Variants in ADGRB3 observed in about 807,000 individuals in gnomAD.
ADGRB3 encodes the protein adhesion G protein-coupled receptor B3.
Under a neutral mutation model 193.4 loss-of-function variants are expected in ADGRB3, and 37 were observed. That is an observed-to-expected ratio of 0.19 (90% CI 0.15 to 0.25). The LOEUF (loss-of-function observed/expected upper bound fraction) is 0.25, where lower values mean the gene tolerates loss of function less well. ADGRB3 is among the 10% of genes least tolerant of loss of function. The pLI, the probability that ADGRB3 is intolerant of heterozygous loss-of-function variation, is 1.00. For synonymous variants in ADGRB3, 690 were observed against 644.2 expected, an observed-to-expected ratio of 1.07 and a Z score of -1.08; for missense variants, 1,637 against 1,852.9, an observed-to-expected ratio of 0.88 and a Z score of 2.14.
intron 3 of ADGRB3, among the ~76,000 whole-genome samples, chr6:68,772,722 AAAAC>A (rs1053265823): frequency 2.6e-5 from 4 of 151,418 alleles, no homozygotes; most frequent in East Asian, 2.0e-4. Context: ...ATACCTTGTA[AAAAC>A]AAACAAACAG....
chr6:69,370,633 G>T (rs1184927929), intron 29 of ADGRB3, among the ~76,000 whole-genome samples: 1 of 151,928 alleles, frequency 6.6e-6, no homozygotes, highest in Admixed American at 6.6e-5. Context: ...TCTATCTCTG[G>T]TGATCTAGGT....
rs182150810 is a variant in ADGRB3 at position 68,827,405 on chromosome 6, G to A, written c.758-103154G>A. Among the ~76,000 whole-genome samples the A allele has an allele frequency of 2.2e-3, 339 of 152,158 alleles. 2 individuals are homozygous for A. Among genetic ancestry groups the A allele is most frequent in the African/African-American group, 7.7e-3 (318 of 41,522 alleles). On this transcript the variant is annotated intron_variant, in intron 3 of 31. Coordinates refer to ENST00000370598, the MANE Select transcript of ADGRB3 (RefSeq NM_001704.3). ...AAATAATAATAATAAATGAGCAATG[G>A]GGCCATCGGTAGGTAGGGGAGCAGC...
intron 5 of ADGRB3, among the ~76,000 whole-genome samples, chr6:68,942,320 A>AATG (rs1471804241): frequency 6.6e-6 from 1 of 152,130 alleles, no homozygotes; most frequent in East Asian, 1.9e-4. Context: ...TACCCTTACC[A>AATG]ATGTTAAAGA....
chr6:69,350,042 G>A (rs988020269), intron 26 of ADGRB3, among the ~76,000 whole-genome samples: 2 of 152,156 alleles, frequency 1.3e-5, no homozygotes, highest in African/African-American at 4.8e-5. Flanking sequence ...CTCTCAGCCT[G>A]CTGCTGTTGA....
chr6:69,268,940 G>A (rs920675273), intron 20 of ADGRB3, among the ~76,000 whole-genome samples: 2 of 151,932 alleles, frequency 1.3e-5, no homozygotes, highest in African/African-American at 4.8e-5. Context: ...TTTCACAAGT[G>A]CACTTTGGAC....
intron 31 of ADGRB3, among the ~76,000 whole-genome samples, chr6:69,387,778 A>G (rs777543560): frequency 1.3e-5 from 2 of 152,062 alleles, no homozygotes; most frequent in Non-Finnish European, 2.9e-5. Context: ...TATTGAGTGG[A>G]GTTTGGATAG....
intron 28 of ADGRB3, among the ~76,000 whole-genome samples, chr6:69,358,953 C>CTG (rs1456098330): frequency 6.6e-6 from 1 of 151,536 alleles, no homozygotes; most frequent in Non-Finnish European, 1.5e-5. Context: ...TCAGCAAACA[C>CTG]AACTATATCA....
chr6:69,068,932 A>AT (rs530473225), intron 16 of ADGRB3, among the ~76,000 whole-genome samples: 20 of 151,310 alleles, frequency 1.3e-4, no homozygotes, highest in South Asian at 6.3e-4. Flanking sequence ...GCTAAAGCCA[A>AT]TTTTTTTTTC....
intron 20 of ADGRB3, among the ~76,000 whole-genome samples, chr6:69,296,972 A>G (rs1767832707): frequency 6.6e-6 from 1 of 152,084 alleles, no homozygotes; most frequent in Non-Finnish European, 1.5e-5. Flanking sequence ...GTAAAATCAG[A>G]GTTTGGTTAT....
At chr6:69,083,517 TG>T (rs1464755810) in intron 17 of ADGRB3, among the ~76,000 whole-genome samples, 1 of 152,056 alleles carries the variant, frequency 6.6e-6, no homozygotes, top group Admixed American at 6.6e-5. Context: ...GGCTGGGGGA[TG>T]AGAAGGATAT....
At chr6:69,208,266 G>A (rs997049039) in intron 17 of ADGRB3, among the ~76,000 whole-genome samples, 6 of 152,128 alleles carry the variant, frequency 3.9e-5, no homozygotes, top group Admixed American at 3.3e-4. Flanking sequence ...GAGGTCACCC[G>A]GTGGTGAGCA....
intron 20 of ADGRB3, among the ~76,000 whole-genome samples, chr6:69,307,027 G>C (rs1253513194): frequency 1.3e-5 from 2 of 150,936 alleles, no homozygotes; most frequent in Non-Finnish European, 3.0e-5. Context: ...CCCTCTCTGT[G>C]TTTTGTGCCC....
intron 17 of ADGRB3, among the ~76,000 whole-genome samples, chr6:69,110,882 T>C (rs1773348319): frequency 6.6e-6 from 1 of 152,182 alleles, no homozygotes; most frequent in African/African-American, 2.4e-5. Context: ...ATATGCATGA[T>C]TAGACTTGCC....
At chr6:68,974,225 C>G (rs962852135) in intron 8 of ADGRB3, among the ~76,000 whole-genome samples, 5 of 152,000 alleles carry the variant, frequency 3.3e-5, no homozygotes, top group African/African-American at 1.2e-4. Flanking sequence ...TCCAAATGAC[C>G]TCTATAAATA....
chr6:69,097,830 T>C (rs1364072458), intron 17 of ADGRB3, among the ~76,000 whole-genome samples: 2 of 152,064 alleles, frequency 1.3e-5, no homozygotes, highest in African/African-American at 4.8e-5. Flanking sequence ...AGCTGGAAAA[T>C]TATAGTCTTC....
At chr6:69,300,769 A>G (rs1205959164) in intron 20 of ADGRB3, among the ~76,000 whole-genome samples, 1 of 151,884 alleles carries the variant, frequency 6.6e-6, no homozygotes, top group East Asian at 1.9e-4. Context: ...AAAGAAGTGA[A>G]AAATCTCTAC....
At chr6:69,225,242 TC>T (rs1416513476) in intron 17 of ADGRB3, among the ~76,000 whole-genome samples, 9 of 152,218 alleles carry the variant, frequency 5.9e-5, no homozygotes, top group Non-Finnish European at 1.0e-4. Context: ...AAATTATTCT[TC>T]CTAAGGCTCT....
intron 3 of ADGRB3, among the ~76,000 whole-genome samples, chr6:68,826,890 A>G (rs920815393): frequency 6.6e-6 from 1 of 152,160 alleles, no homozygotes; most frequent in African/African-American, 2.4e-5. Context: ...AGAGACTAGG[A>G]TGGCCAGAAC....
chr6:68,796,527 A>G lies in ADGRB3; in HGVS notation c.758-134032A>G, dbSNP rs572588804. On this transcript the variant is annotated intron_variant, in intron 3 of 31. Transcript: ENST00000370598. ...TCGAAGTGATTTCTGACAATTTACT[A>G]TTTTGTCTCAAAACTTCAGTTAAAG... is the stretch of plus-strand genomic sequence containing the variant. 1.1e-4 allele frequency among the ~76,000 whole-genome samples: 17 copies of G among 152,280 alleles called. No individual in the cohort carries two copies. In the East Asian group the frequency reaches 3.3e-3, roughly 29 times the overall value.
Sources: allele counts gnomAD v4.1 joint callset (sites outside exome capture counted in the v4.1 genomes callset), GRCh38; gene constraint gnomAD v4.1.1; transcripts MANE v1.5; gene names NCBI Gene and HGNC (gene_info 2026-07-23, HGNC 2026-07-21).